The following PRKAR1A variants were observed in gnomAD, a reference collection of about 807,000 sequenced individuals.
PRKAR1A encodes the protein cAMP-dependent protein kinase type I-alpha regulatory subunit.
A neutral mutation model predicts 52.0 loss-of-function variants in PRKAR1A; 3 were observed. The ratio of observed to expected loss-of-function variants is 0.06; its 90% CI spans 0.03 to 0.15. The LOEUF is 0.15. Ranked by LOEUF, PRKAR1A falls within the 10% of genes least tolerant of loss-of-function variation. The pLI is 1.00. For synonymous variants in PRKAR1A, 188 were observed against 168.4 expected (o/e 1.12, Z -0.90); for missense variants, 240 against 477.4 (o/e 0.50, Z 4.63).
the PRKAR1A span, among the ~76,000 whole-genome samples, chr17:68,480,458 ATATATT>A: frequency 1.3e-4 from 20 of 152,146 alleles, no homozygotes; most frequent in Non-Finnish European, 1.8e-4. Context: ...CCCTGCTACT[ATATATT>A]TCAGATCCAA....
the PRKAR1A span, among the ~76,000 whole-genome samples, chr17:68,432,568 C>T: frequency 6.6e-6 from 1 of 152,034 alleles, no homozygotes; most frequent in African/African-American, 2.4e-5. Context: ...GGTGCCCGGC[C>T]TCTGTCATGT....
intron 11 of PRKAR1A, among the ~76,000 whole-genome samples, chr17:68,538,960 A>AG (rs1204374206): frequency 1.3e-5 from 2 of 152,222 alleles, no homozygotes; most frequent in Non-Finnish European, 2.9e-5. Context: ...TGAACATCAG[A>AG]GAGTGTACTC....
chr17:68,537,149 T>A, downstream of PRKAR1A: 1 of 515,362 alleles, frequency 1.9e-6, no homozygotes, highest in Non-Finnish European at 3.7e-6. The surrounding 1 kb of genome is among the most constrained non-coding windows in gnomAD (Gnocchi z 4.2). Context: ...TTATTTGACT[T>A]GTTACCATTA....
At chr17:68,432,365 T>C in the PRKAR1A span, among the ~76,000 whole-genome samples, 5 of 152,236 alleles carry the variant, frequency 3.3e-5, no homozygotes, top group Admixed American at 6.5e-5. Context: ...CAGAAAAAGA[T>C]GGCAGAAGGG....
chr17:68,435,818 C>T, the PRKAR1A span: 3 of 1,009,754 alleles, frequency 3.0e-6, no homozygotes, highest in South Asian at 4.2e-5. Flanking sequence ...TTGTCCAGCT[C>T]CCTGTCTCTT....
the PRKAR1A span, among the ~76,000 whole-genome samples, chr17:68,505,014 T>C: frequency 6.6e-6 from 1 of 152,126 alleles, no homozygotes; most frequent in African/African-American, 2.4e-5. Flanking sequence ...AATTCAGTGG[T>C]TGGACAGGCG....
the PRKAR1A span, chr17:68,457,349 C>A: frequency 9.7e-6 from 15 of 1,545,566 alleles, no homozygotes; most frequent in Non-Finnish European, 1.3e-5. Context: ...TACGTGCAGT[C>A]CTGGTTGAAA....
At chr17:68,421,461 A>G in the PRKAR1A span, 3 of 362,900 alleles carry the variant, frequency 8.3e-6, no homozygotes, top group Non-Finnish European at 1.5e-5. Flanking sequence ...CACGGCATAT[A>G]TTTAAAAAGG....
chr17:68,503,157 C>T, the PRKAR1A span, among the ~76,000 whole-genome samples: 1 of 152,114 alleles, frequency 6.6e-6, no homozygotes, highest in African/African-American at 2.4e-5. Flanking sequence ...TAAATTAAAA[C>T]AAGGAGGAAC....
the PRKAR1A span, among the ~76,000 whole-genome samples, chr17:68,491,926 TA>T: frequency 6.6e-6 from 1 of 152,136 alleles, no homozygotes; most frequent in Non-Finnish European, 1.5e-5. Context: ...TGGTAAGTCA[TA>T]AGGAGCTGGC....
intron 11 of PRKAR1A, chr17:68,539,473 G>A (rs745467675): frequency 3.7e-6 from 5 of 1,334,612 alleles, no homozygotes; most frequent in Non-Finnish European, 5.4e-6. Flanking sequence ...TCTCCTCTCA[G>A]CATTTTGTGA....
At chr17:68,487,151 C>A in the PRKAR1A span, among the ~76,000 whole-genome samples, 1 of 152,166 alleles carries the variant, frequency 6.6e-6, no homozygotes, top group Admixed American at 6.5e-5. Flanking sequence ...GGATTACAGG[C>A]GTGAGCCACT....
rs1568707477 is a variant in PRKAR1A at position 68,532,253 on chromosome 17, G to T, written c.*1804G>T. Reference sequence around the variant, plus strand: ...TTCTTACAAGCTTAAAGCTTGATTTGATCTTTGTTTAAATGCCAAAATGTA... The same window carrying T: ...TTCTTACAAGCTTAAAGCTTGATTTTATCTTTGTTTAAATGCCAAAATGTA... On this transcript the variant is annotated 3_prime_UTR_variant, in exon 11 of 11. Transcript: ENST00000589228. 1.9e-6 allele frequency: 2 copies of T among 1,043,682 alleles called. No individual in the cohort carries two copies. The highest frequency in any genetic ancestry group is 2.3e-6 in the Non-Finnish European group (2 of 859,692). The allele number at this position is 1,043,682 out of a possible 1,614,324, so 64.7% of individuals were successfully genotyped here.
At chr17:68,462,886 G>T in the PRKAR1A span, among the ~76,000 whole-genome samples, 1 of 152,116 alleles carries the variant, frequency 6.6e-6, no homozygotes. Context: ...CTCTTCAAAG[G>T]GCACCAGCAC....
the PRKAR1A span, among the ~76,000 whole-genome samples, chr17:68,491,248 T>A: frequency 1.3e-5 from 2 of 152,162 alleles, no homozygotes; most frequent in South Asian, 4.2e-4. Flanking sequence ...TGTGCCACCA[T>A]GCCCAGCTAA....
At chr17:68,445,274 G>A in the PRKAR1A span, among the ~76,000 whole-genome samples, 1 of 152,152 alleles carries the variant, frequency 6.6e-6, no homozygotes, top group South Asian at 2.1e-4. Context: ...ACAATTTCAT[G>A]TGCCTTCTGT....
the PRKAR1A span, among the ~76,000 whole-genome samples, chr17:68,432,605 A>T: frequency 7.2e-5 from 11 of 152,004 alleles, no homozygotes; most frequent in African/African-American, 2.4e-4. Flanking sequence ...CAGCGTGATA[A>T]GGTGCCCGGC....
chr17:68,532,243 A>C lies in PRKAR1A; in HGVS notation c.*1794A>C. On this transcript the variant is annotated 3_prime_UTR_variant, in exon 11 of 11. Coordinates refer to ENST00000589228, the MANE Select transcript of PRKAR1A (RefSeq NM_002734.5). ...GAAAATTACGTTCTTACAAGCTTAA[A>C]GCTTGATTTGATCTTTGTTTAAATG... is the stretch of plus-strand genomic sequence containing the variant. 3 of 1,039,622 alleles carry C rather than the reference A, an allele frequency of 2.9e-6. No homozygotes were observed. The highest frequency in any genetic ancestry group is 3.5e-6 in the Non-Finnish European group (3 of 855,832). The allele number at this position is 1,039,622 out of a possible 1,614,324, so 64.4% of individuals were successfully genotyped here. A position where few individuals can be genotyped will look rare whatever the true frequency, so the allele number is the denominator to read the frequency against.
chr17:68,451,041 T>C, the PRKAR1A span: 7 of 1,190,460 alleles, frequency 5.9e-6, no homozygotes, highest in South Asian at 3.3e-5. Flanking sequence ...GAGCTTGCAT[T>C]GACAGTGATC....
Sources: gnomAD v4.1 joint callset for allele counts (sites outside exome capture counted in the v4.1 genomes callset) on GRCh38, gnomAD v4.1.1 for gene constraint, Gnocchi (gnomAD v3.1) non-coding constraint, MANE v1.5 for transcripts, NCBI Gene and HGNC (gene_info 2026-07-23, HGNC 2026-07-21) for gene names.